PISD: variants seen among roughly 807,000 people sequenced by gnomAD.
The protein encoded by PISD is phosphatidylserine decarboxylase proenzyme, mitochondrial.
PISD carries 31 observed loss-of-function variants against 43.5 expected under a neutral mutation model. The ratio of observed to expected loss-of-function variants is 0.71; its 90% CI spans 0.54 to 0.96. The LOEUF is 0.96. Ranked by LOEUF, PISD falls within the 40% of genes least tolerant of loss-of-function variation. PISD has a pLI of 0.00. For missense variants in PISD, 523 were observed against 548.4 expected (o/e 0.95, Z 0.46); for synonymous variants, 259 against 228.7 (o/e 1.13, Z -1.20).
intron 3 of PISD, among the ~76,000 whole-genome samples, chr22:31,636,372 T>A (rs1251849250): frequency 6.6e-6 from 1 of 152,166 alleles, no homozygotes; most frequent in East Asian, 1.9e-4. Context: ...GAGTAAGGCC[T>A]TTCCTGCACT....
chr22:31,625,175 C>G (rs1208180505), intron 3 of PISD, among the ~76,000 whole-genome samples: 1 of 152,254 alleles, frequency 6.6e-6, no homozygotes, highest in Non-Finnish European at 1.5e-5. Context: ...GAGCAGACGG[C>G]AGGCGAACCA....
At chr22:31,639,153 C>T (rs931860928) in intron 3 of PISD, among the ~76,000 whole-genome samples, 2 of 151,562 alleles carry the variant, frequency 1.3e-5, no homozygotes, top group African/African-American at 2.4e-5. Flanking sequence ...ACACCACCAC[C>T]CCTGGCTAAT....
chr22:31,629,542 TGAG>T lies in PISD; in HGVS notation c.322-7660_322-7658del, dbSNP rs2073093147. ...ATGTAGGTGCGAGGGTGTGTGTAGG[TGAG>T]GGGGTGTGTGCCTGTAGGGGGCGCG... On this transcript the variant is annotated intron_variant, in intron 3 of 7. Coordinates refer to ENST00000439502, the MANE Select transcript of PISD (RefSeq NM_001326411.2). Among the ~76,000 whole-genome samples, 2 of 118,346 alleles carry T rather than the reference TGAG, an allele frequency of 1.7e-5. 1 individual carries two copies. The highest frequency in any genetic ancestry group is 5.9e-4 in the South Asian group (2 of 3,418). The allele number at this position is 118,346 out of a possible 152,430, so 77.6% of individuals were successfully genotyped here. A position where few individuals can be genotyped will look rare whatever the true frequency, so the allele number is the denominator to read the frequency against.
At position 31,635,164 on chromosome 22, in the gene PISD, C is replaced by T. The variant is rs183547364; in HGVS notation, c.321+12937G>A. 4.4e-3 allele frequency among the ~76,000 whole-genome samples: 605 copies of T among 136,196 alleles called. 5 individuals are homozygous for T. Among genetic ancestry groups the T allele is most frequent in the Non-Finnish European group, 4.7e-3 (290 of 61,130 alleles). 89.3% of individuals were successfully genotyped at this position (136,196 alleles called of 152,430 possible). A position where few individuals can be genotyped will look rare whatever the true frequency, so the allele number is the denominator to read the frequency against. On this transcript the variant is annotated intron_variant, in intron 3 of 7. Coordinates refer to ENST00000439502, the MANE Select transcript of PISD (RefSeq NM_001326411.2). ...CTGGGCAACAAGAGTAAAACTCCGT[C>T]TCAAAAAACAAAACAAAACAAAACA...
intron 3 of PISD, 117 bp downstream of exon 3, chr22:31,647,984 A>T: frequency 1.1e-6 from 1 of 880,664 alleles, no homozygotes; most frequent in Non-Finnish European, 1.7e-6. Context: ...TACTGGAGAC[A>T]TGAGTTCCAA....
intron 1 of PISD, among the ~76,000 whole-genome samples, chr22:31,655,314 C>A (rs2074138044): frequency 6.9e-6 from 1 of 145,720 alleles, no homozygotes; most frequent in Non-Finnish European, 1.5e-5. Context: ...AGGTACAACC[C>A]CCTTTTTTTT....
At chr22:31,626,494 C>T (rs1208443052) in intron 3 of PISD, among the ~76,000 whole-genome samples, 1 of 139,004 alleles carries the variant, frequency 7.2e-6, no homozygotes, top group Non-Finnish European at 1.6e-5. Context: ...ATCTTACCTG[C>T]TCTGGCTCTC....
Position 31,618,494 on chromosome 22 carries a change from TAAGTTTG to T in PISD, c.*1111_*1117del. 1 of 1,334,074 alleles carries T rather than the reference TAAGTTTG, an allele frequency of 7.5e-7. No individual in the cohort carries two copies. The highest frequency in any genetic ancestry group is 9.8e-7 in the Non-Finnish European group (1 of 1,020,026). 82.6% of individuals were successfully genotyped at this position (1,334,074 alleles called of 1,614,324 possible). On this transcript the variant is annotated 3_prime_UTR_variant, in exon 8 of 8. Transcript: ENST00000439502. ...CACCTCCAGGAACAGAACACAGTTT[TAAGTTTG>T]ATTTTTTTTATTTCAAAATGCTTTG...
chr22:31,650,891 G>C (rs2074012784), intron 1 of PISD, 113 bp from the exon 2 acceptor site: 1 of 632,248 alleles, frequency 1.6e-6, no homozygotes, highest in East Asian at 2.9e-5. Flanking sequence ...TAAATGTCTT[G>C]GTTTTGACAA....
chr22:31,662,281 G>T, upstream of PISD: 2 of 1,447,256 alleles, frequency 1.4e-6, no homozygotes, highest in Non-Finnish European at 1.9e-6. Flanking sequence ...CACGAGTCTC[G>T]AGTTCAGTGG....
intron 3 of PISD, chr22:31,632,258 GTCC>G: frequency 1.0e-6 from 1 of 984,858 alleles, no homozygotes; most frequent in Non-Finnish European, 1.2e-6. Flanking sequence ...GACAGATAGG[GTCC>G]TCCTCCATGG....
rs1206489571 is a variant in PISD at position 31,662,074 on chromosome 22, ATC to A, written c.65+68_65+69del. Reference sequence around the variant, plus strand: ...CAGAGCGAGCCCGCGACACAGAAACATCTCTCTTCAGACCCCAGCTTGGTCCA... The same window carrying A: ...CAGAGCGAGCCCGCGACACAGAAACATCTCTTCAGACCCCAGCTTGGTCCA... On this transcript the variant is annotated intron_variant, in intron 1 of 7. Transcript: ENST00000439502. The A allele has an allele frequency of 6.5e-6, 9 of 1,379,294 alleles. No individual in the cohort carries two copies. In the East Asian group the frequency reaches 1.8e-4, roughly 28 times the overall value. The allele number at this position is 1,379,294 out of a possible 1,614,324, so 85.4% of individuals were successfully genotyped here.
chr22:31,637,400 T>G (rs770147413), intron 3 of PISD, among the ~76,000 whole-genome samples: 1 of 151,470 alleles, frequency 6.6e-6, no homozygotes, highest in Non-Finnish European at 1.5e-5. Context: ...TTTTTGTTTT[T>G]TTTTAAAAGA....
rs1165446622 is a variant in PISD, at chr22:31,618,532, A to G, written c.*1080T>C. On this transcript the variant is annotated 3_prime_UTR_variant, in exon 8 of 8. Transcript: ENST00000439502. ...TTTTATTTCAAAATGCTTTGCAATT[A>G]AATGAATTACTGTTCAGAAGTCTCC... The G allele has an allele frequency of 1.8e-6, 2 of 1,090,298 alleles. No individual in the cohort carries two copies. The highest frequency in any genetic ancestry group is 2.5e-6 in the Non-Finnish European group (2 of 803,748). 67.5% of individuals were successfully genotyped at this position (1,090,298 alleles called of 1,614,324 possible).
intron 3 of PISD, 94 bp from the exon 4 acceptor site, chr22:31,621,979 A>G: frequency 2.1e-6 from 2 of 955,706 alleles, no homozygotes. Flanking sequence ...ACTTCAGGGG[A>G]GAATCTGCAC....
intron 3 of PISD, among the ~76,000 whole-genome samples, chr22:31,624,139 A>C (rs922576303): frequency 6.6e-6 from 1 of 152,018 alleles, no homozygotes; most frequent in Non-Finnish European, 1.5e-5. Context: ...GCAAGAGGAG[A>C]GTCAGGCCCA....
At chr22:31,640,575 G>GTTTTTTTTTTTT (rs759964791) in intron 3 of PISD, among the ~76,000 whole-genome samples, 1 of 91,254 alleles carries the variant, frequency 1.1e-5, no homozygotes, top group Admixed American at 1.8e-4. Context: ...CGGTTTGGTT[G>GTTTTTTTTTTTT]TTTTTTTTTT....
intron 3 of PISD, among the ~76,000 whole-genome samples, chr22:31,635,265 G>A (rs952499801): frequency 2.0e-5 from 3 of 152,156 alleles, no homozygotes; most frequent in African/African-American, 4.8e-5. Flanking sequence ...GCCATCCCTC[G>A]ATTCCTTCCA....
intron 3 of PISD, among the ~76,000 whole-genome samples, chr22:31,633,492 G>A (rs1369249170): frequency 1.3e-5 from 2 of 152,110 alleles, no homozygotes; most frequent in African/African-American, 4.8e-5. Flanking sequence ...GAGGCAGGCG[G>A]ATCACGAGGT....
Sources: allele counts gnomAD v4.1 joint callset (sites outside exome capture counted in the v4.1 genomes callset), GRCh38; gene constraint gnomAD v4.1.1; transcripts MANE v1.5; gene names NCBI Gene and HGNC (gene_info 2026-07-23, HGNC 2026-07-21).